The following MIPEP variants were observed in gnomAD, a reference collection of about 807,000 sequenced individuals.
MIPEP encodes mitochondrial intermediate peptidase.
Under a neutral mutation model 90.3 loss-of-function variants are expected in MIPEP, and 79 were observed. The ratio of observed to expected loss-of-function variants is 0.87; its 90% CI spans 0.73 to 1.05. MIPEP has a LOEUF of 1.05. Ranked by LOEUF, MIPEP falls within the 50% of genes least tolerant of loss-of-function variation. MIPEP has a pLI of 0.00. For missense variants in MIPEP, 940 were observed against 905.6 expected, an observed-to-expected ratio of 1.04 and a Z score of -0.49; for synonymous variants, 334 against 315.8, an observed-to-expected ratio of 1.06 and a Z score of -0.61.
chr13:23,734,899 G>A (rs1004044569), intron 18 of MIPEP, among the ~76,000 whole-genome samples: 11 of 152,170 alleles, frequency 7.2e-5, no homozygotes, highest in Non-Finnish European at 1.0e-4. Context: ...TTTAAAGCAC[G>A]TCTGGAAAAG....
chr13:23,824,499 A>G (rs1360316628), intron 14 of MIPEP, among the ~76,000 whole-genome samples: 2 of 152,244 alleles, frequency 1.3e-5, no homozygotes, highest in East Asian at 1.9e-4. Context: ...TTGTTGAAAC[A>G]TAGTCATCCA....
Position 23,840,715 on chromosome 13 carries a change from G to A in MIPEP, c.1260+620C>T, listed in dbSNP as rs114690252. 6.5e-3 allele frequency among the ~76,000 whole-genome samples: 989 copies of A among 152,210 alleles called. 10 individuals are homozygous for A. The highest frequency in any genetic ancestry group is 0.022 in the African/African-American group (929 of 41,512). ...AAAATATAGTGAAGAAAGCAGTGTGGTAAGCATGCTAGCAAAAATCAAACA... is the reference window on the plus strand; with the variant it reads ...AAAATATAGTGAAGAAAGCAGTGTGATAAGCATGCTAGCAAAAATCAAACA... On this transcript the variant is annotated intron_variant, in intron 11 of 18. Coordinates refer to ENST00000382172, the MANE Select transcript of MIPEP (RefSeq NM_005932.4).
In MIPEP at chr13:23,873,122, T is replaced by TA. The variant is rs140677516; in HGVS notation, c.603+1723dup. Among the ~76,000 whole-genome samples the TA allele has an allele frequency of 6.5e-3, 985 of 152,326 alleles. 14 individuals are homozygous for TA. Among genetic ancestry groups the TA allele is most frequent in the African/African-American group, 0.022 (919 of 41,580 alleles). ...TACAAAATTCCACCTGGGGGACTGA[T>TA]AAAAGCTTCGCAATGTGGCGTGAGG... On this transcript the variant is annotated intron_variant, in intron 5 of 18. Coordinates refer to ENST00000382172, the MANE Select transcript of MIPEP (RefSeq NM_005932.4).
intron 18 of MIPEP, among the ~76,000 whole-genome samples, chr13:23,741,328 A>G (rs1444990039): frequency 6.6e-6 from 1 of 152,022 alleles, no homozygotes; most frequent in Non-Finnish European, 1.5e-5. Flanking sequence ...GTTAATATAC[A>G]CAAAAGGAAT....
rs150186286 is a variant in MIPEP at position 23,849,630 on chromosome 13, T to C, written c.1107-8142A>G. ...ACATACCACTATCAACATGATACAA[T>C]GGTATAATTAGGTCTTTTAAATTAA... On this transcript the variant is annotated intron_variant, in intron 10 of 18. Coordinates refer to ENST00000382172, the MANE Select transcript of MIPEP (RefSeq NM_005932.4). Among the ~76,000 whole-genome samples, 40 of 152,322 alleles carry C rather than the reference T, an allele frequency of 2.6e-4. 1 individual carries two copies. In the East Asian group the frequency reaches 6.9e-3, roughly 26 times the overall value.
In MIPEP at chr13:23,841,336, A is replaced by G. The variant is rs1869287041; in HGVS notation, c.1259T>C (p.Leu420Pro). The G allele has an allele frequency of 1.2e-6, 2 of 1,608,870 alleles. No individual in the cohort carries two copies. The highest frequency in any genetic ancestry group is 1.7e-6 in the Non-Finnish European group (2 of 1,178,498). The change falls in exon 11 of 19, where the codon CTG becomes CCG. Residue 420 changes from leucine (L) to proline (P), a missense_variant and splice_region_variant. By Grantham distance (98) the Leu-to-Pro change is moderately conservative. Transcript: ENST00000382172. ...GEVWSEDVRK[L>P]AVVHESEGLL... ...GCAGGCTGAGCAGGAGGAGCTCACC[A>G]GTTTTCGGACATCTTCGCTCCACAC...
At chr13:23,755,122 G>A (rs1455781316) in intron 18 of MIPEP, among the ~76,000 whole-genome samples, 1 of 152,184 alleles carries the variant, frequency 6.6e-6, no homozygotes, top group African/African-American at 2.4e-5. Flanking sequence ...ATCCCCAGAG[G>A]TGGAAAGTTC....
At chr13:23,779,944 T>C (rs9578644) in intron 16 of MIPEP, among the ~76,000 whole-genome samples, 42,271 of 152,072 alleles carry the variant, frequency 0.28, 6,584 homozygotes, top group African/African-American at 0.39. Flanking sequence ...TTTGAGTAGG[T>C]AAACAAAGTG....
At chr13:23,835,311 G>A (rs1437126143) in intron 14 of MIPEP, among the ~76,000 whole-genome samples, 1 of 151,850 alleles carries the variant, frequency 6.6e-6, no homozygotes, top group African/African-American at 2.4e-5. Flanking sequence ...ATGAGCCACT[G>A]TGCCAGCCAG....
At chr13:23,770,692 A>G in intron 16 of MIPEP, among the ~76,000 whole-genome samples, 1 of 151,990 alleles carries the variant, frequency 6.6e-6, no homozygotes, top group South Asian at 2.1e-4. Flanking sequence ...ACCACCAGAG[A>G]CCGCCACTGC....
chr13:23,789,797 C>T (rs1030254968), intron 16 of MIPEP, among the ~76,000 whole-genome samples: 2 of 152,140 alleles, frequency 1.3e-5, no homozygotes, highest in African/African-American at 2.4e-5. Flanking sequence ...GAATTCCCAC[C>T]CTCCCCTCTA....
At chr13:23,790,203 C>G (rs1474253198) in intron 16 of MIPEP, among the ~76,000 whole-genome samples, 1 of 152,200 alleles carries the variant, frequency 6.6e-6, no homozygotes, top group African/African-American at 2.4e-5. Context: ...ATTTTGCTGA[C>G]AGTGGACCAT....
chr13:23,792,163 C>A (rs921074644), intron 16 of MIPEP, among the ~76,000 whole-genome samples: 2 of 152,116 alleles, frequency 1.3e-5, no homozygotes, highest in African/African-American at 4.8e-5. Flanking sequence ...AGATTGTTCC[C>A]ATTTATACTT....
At chr13:23,887,097 G>A (rs1455816722) in intron 1 of MIPEP, among the ~76,000 whole-genome samples, 1 of 152,176 alleles carries the variant, frequency 6.6e-6, no homozygotes, top group East Asian at 1.9e-4. Flanking sequence ...AAATAGGGAG[G>A]ATGAGTTGAC....
chr13:23,887,283 C>A (rs1871536375), intron 1 of MIPEP, among the ~76,000 whole-genome samples: 1 of 152,180 alleles, frequency 6.6e-6, no homozygotes, highest in Non-Finnish European at 1.5e-5. Flanking sequence ...CTTGTTAGCA[C>A]ACTCAGGAAG....
chr13:23,864,303 T>A, intron 7 of MIPEP, 114 bp from the exon 8 acceptor site: 1 of 746,536 alleles, frequency 1.3e-6, no homozygotes, highest in South Asian at 2.0e-5. Context: ...CTTAAAGTGA[T>A]GATTTTCAAA....
intron 16 of MIPEP, among the ~76,000 whole-genome samples, chr13:23,800,119 C>T (rs1281020385): frequency 6.6e-6 from 1 of 152,170 alleles, no homozygotes; most frequent in African/African-American, 2.4e-5. Flanking sequence ...TAGGTCAAAA[C>T]ACTAAAATAC....
At position 23,772,992 on chromosome 13, in the gene MIPEP, C is replaced by T. The variant is rs187193694; in HGVS notation, c.1849-12775G>A. On this transcript the variant is annotated intron_variant, in intron 16 of 18. Coordinates refer to ENST00000382172, the MANE Select transcript of MIPEP (RefSeq NM_005932.4). ...CTTTAAAAAACTGAGATAAACATCA[C>T]ACACCATATAATTCACTCTTTTCAA... Among the ~76,000 whole-genome samples the T allele has an allele frequency of 8.5e-5, 13 of 152,260 alleles. 1 individual carries two copies. Among genetic ancestry groups the T allele is most frequent in the South Asian group, 2.1e-4 (1 of 4,832 alleles).
At chr13:23,796,142 G>T (rs531515643) in intron 16 of MIPEP, among the ~76,000 whole-genome samples, 27 of 152,100 alleles carry the variant, frequency 1.8e-4, no homozygotes, top group Non-Finnish European at 3.2e-4. Context: ...CTATCGGCAG[G>T]ATGCAGTGAG....
Sources: allele counts gnomAD v4.1 joint callset (sites outside exome capture counted in the v4.1 genomes callset), GRCh38; gene constraint gnomAD v4.1.1; transcripts MANE v1.5; gene names NCBI Gene and HGNC (gene_info 2026-07-23, HGNC 2026-07-21).